The following PBX3 variants were observed in gnomAD, a reference collection of about 807,000 sequenced individuals.
The protein encoded by PBX3 is PBX homeobox 3, also known as pre-B-cell leukemia transcription factor 3.
Under a neutral mutation model 48.5 loss-of-function variants are expected in PBX3, and 14 were observed. That is an observed-to-expected ratio of 0.29 (90% confidence interval 0.19 to 0.45). PBX3 has a LOEUF of 0.45. PBX3 is among the 20% of genes least tolerant of loss of function. The probability of loss-of-function intolerance (pLI) is 1.00; values close to 1 mark genes in which losing one functional copy is unlikely to be tolerated. For synonymous variants in PBX3, 210 were observed against 200.3 expected (o/e 1.05, Z -0.41); for missense variants, 386 against 546.7 (o/e 0.71, Z 2.93).
In PBX3 at chr9:125,872,710, T is replaced by C. The variant is rs149918551; in HGVS notation, c.275-42976T>C. 7.5e-3 allele frequency among the ~76,000 whole-genome samples: 1,141 copies of C among 151,632 alleles called. 8 individuals are homozygous for C. The highest frequency in any genetic ancestry group is 0.014 in the Middle Eastern group (4 of 294). On this transcript the variant is annotated intron_variant, in intron 2 of 8. Transcript: ENST00000373489. ...AGGAATTTGAGGTTGCAGTGACCTA[T>C]GATCATGCCACTGCACTCCAGCCTA...
intron 6 of PBX3, among the ~76,000 whole-genome samples, chr9:125,961,690 A>C (rs940311627): frequency 9.8e-5 from 15 of 152,320 alleles, no homozygotes; most frequent in African/African-American, 3.1e-4. Flanking sequence ...TAGCGAAGAA[A>C]GAGCTCCTGG....
At chr9:125,781,820 G>A (rs1837327059) in intron 2 of PBX3, among the ~76,000 whole-genome samples, 1 of 150,640 alleles carries the variant, frequency 6.6e-6, no homozygotes, top group African/African-American at 2.4e-5. Flanking sequence ...TTTTCTTAAC[G>A]TAGGCATTTA....
chr9:125,905,790 TG>T (rs1268752817), intron 2 of PBX3, among the ~76,000 whole-genome samples: 1 of 152,054 alleles, frequency 6.6e-6, no homozygotes, highest in African/African-American at 2.4e-5. Context: ...TATGCTGTTT[TG>T]ATTATATTTC....
At chr9:125,873,724 C>G (rs765825909) in intron 2 of PBX3, among the ~76,000 whole-genome samples, 18 of 151,974 alleles carry the variant, frequency 1.2e-4, no homozygotes, top group Admixed American at 2.0e-4. Context: ...CAAATGTTTA[C>G]ATTATAAAGA....
At position 125,967,025 on chromosome 9, in the gene PBX3, G is replaced by A. The variant is rs780675660; in HGVS notation, c.*1102G>A. Reference sequence around the variant, plus strand: ...TTGGGTCTTAATTCAACACAGGATCGGTAAAACTGTTGTAAATACTGAGAA... The same window carrying A: ...TTGGGTCTTAATTCAACACAGGATCAGTAAAACTGTTGTAAATACTGAGAA... On this transcript the variant is annotated 3_prime_UTR_variant, in exon 9 of 9. Coordinates refer to ENST00000373489, the MANE Select transcript of PBX3 (RefSeq NM_006195.6). The A allele has an allele frequency of 2.0e-5, 3 of 152,006 alleles. No individual in the cohort carries two copies. Among genetic ancestry groups the A allele is most frequent in the African/African-American group, 7.3e-5 (3 of 41,204 alleles). 9.4% of individuals were successfully genotyped at this position (152,006 alleles called of 1,614,324 possible).
Position 125,963,670 on chromosome 9 carries a change from C to T in PBX3, c.1212+569C>T, listed in dbSNP as rs185311549. Among the ~76,000 whole-genome samples the T allele has an allele frequency of 6.6e-5, 10 of 152,144 alleles. No homozygotes were observed. In the East Asian group the frequency reaches 1.9e-3, roughly 29 times the overall value. On this transcript the variant is annotated intron_variant, in intron 8 of 8. Coordinates refer to ENST00000373489, the MANE Select transcript of PBX3 (RefSeq NM_006195.6). ...GGATGGAAAATGGCAAAACACACAGCTCTGGAAAAGGGGGAAGGGGGCAGG... is the reference window on the plus strand; with the variant it reads ...GGATGGAAAATGGCAAAACACACAGTTCTGGAAAAGGGGGAAGGGGGCAGG...
chr9:125,798,580 T>C (rs1026563347), intron 2 of PBX3, among the ~76,000 whole-genome samples: 1 of 152,148 alleles, frequency 6.6e-6, no homozygotes, highest in Non-Finnish European at 1.5e-5. Flanking sequence ...ATAAAGGCAT[T>C]TATTTGAGTT....
intron 3 of PBX3, among the ~76,000 whole-genome samples, chr9:125,921,800 T>C (rs1841463592): frequency 6.6e-6 from 1 of 152,190 alleles, no homozygotes; most frequent in South Asian, 2.1e-4. Flanking sequence ...GCGAGACATT[T>C]GGAAAATAGT....
At chr9:125,791,862 G>T (rs999238205) in intron 2 of PBX3, among the ~76,000 whole-genome samples, 1 of 151,860 alleles carries the variant, frequency 6.6e-6, no homozygotes, top group Admixed American at 6.6e-5. Flanking sequence ...CGTGAACCCG[G>T]GAGGCAGAGG....
chr9:125,932,242 G>A (rs375894862), intron 4 of PBX3, among the ~76,000 whole-genome samples: 55 of 152,236 alleles, frequency 3.6e-4, no homozygotes, highest in Admixed American at 9.2e-4. Context: ...CTTGCTCATC[G>A]TTCCGGATCT....
At chr9:125,817,142 CT>C (rs1838490183) in intron 2 of PBX3, among the ~76,000 whole-genome samples, 1 of 152,192 alleles carries the variant, frequency 6.6e-6, no homozygotes, top group African/African-American at 2.4e-5. Flanking sequence ...AAGAATTGGT[CT>C]GTGTTAGCAC....
chr9:125,875,730 C>T (rs992366689), intron 2 of PBX3, among the ~76,000 whole-genome samples: 5 of 152,002 alleles, frequency 3.3e-5, no homozygotes, highest in African/African-American at 9.7e-5. Flanking sequence ...TTTAATTATT[C>T]CCCCCCACCT....
In PBX3 at chr9:125,805,178, A is replaced by T. The variant is rs578064182; in HGVS notation, c.274+56555A>T. Among the ~76,000 whole-genome samples, 3 of 152,242 alleles carry T rather than the reference A, an allele frequency of 2.0e-5. No homozygotes were observed. In the South Asian group the frequency reaches 6.2e-4, roughly 32 times the overall value. ...ATGAGAAGGAGCAGGCTTAAAAAAAAAAACTGGGAGAAGAGCATTCCAGGA... is the reference window on the plus strand; with the variant it reads ...ATGAGAAGGAGCAGGCTTAAAAAAATAAACTGGGAGAAGAGCATTCCAGGA... On this transcript the variant is annotated intron_variant, in intron 2 of 8. Transcript: ENST00000373489.
chr9:125,929,517 G>A (rs947244477), intron 3 of PBX3, 138 bp from the exon 4 acceptor site: 1 of 563,662 alleles, frequency 1.8e-6, no homozygotes, highest in African/African-American at 1.9e-5. Flanking sequence ...CATTTTACAA[G>A]TGTCTTAGTT....
intron 2 of PBX3, among the ~76,000 whole-genome samples, chr9:125,815,454 C>T (rs1269029319): frequency 2.0e-5 from 3 of 152,100 alleles, no homozygotes; most frequent in African/African-American, 7.2e-5. Context: ...TTCTCTTCCT[C>T]TCTGGTTTTG....
At chr9:125,887,784 TAGAA>T (rs1430333996) in intron 2 of PBX3, among the ~76,000 whole-genome samples, 1 of 152,146 alleles carries the variant, frequency 6.6e-6, no homozygotes, top group African/African-American at 2.4e-5. Context: ...TAGTTGTTAT[TAGAA>T]AGTAAGGGTA....
At chr9:125,936,398 T>C (rs1052042069) in intron 5 of PBX3, among the ~76,000 whole-genome samples, 2 of 152,236 alleles carry the variant, frequency 1.3e-5, no homozygotes, top group East Asian at 1.9e-4. Context: ...AGCATTTCTT[T>C]ATAGCATGCA....
chr9:125,805,305 A>C (rs1564664654), intron 2 of PBX3, among the ~76,000 whole-genome samples: 1 of 152,062 alleles, frequency 6.6e-6, no homozygotes, highest in South Asian at 2.1e-4. Flanking sequence ...TGTGAGGGGA[A>C]GAATAGTATG....
Position 125,960,819 on chromosome 9 carries a change from C to G in PBX3, c.979C>G (p.Gln327Glu), listed in dbSNP as rs751799223. The change falls in exon 6 of 9, where the codon CAG (glutamine) becomes GAG (glutamate). Residue 327 changes from glutamine (Q) to glutamate (E), a missense_variant. This residue lies in a region of PBX3 where 127 missense variants were observed against 143.3 expected (regional missense o/e 0.89). Coordinates refer to ENST00000373489, the MANE Select transcript of PBX3 (RefSeq NM_006195.6). ...AGTAGCAGCAGCTGTGCAGAACAAC[C>G]AGACCAATTCGCCCACCACACCAAA... ...HAVAAAVQNN[Q>E]TNSPTTPNSG... 2.5e-6 allele frequency: 4 copies of G among 1,614,110 alleles called. No homozygotes were observed. Among genetic ancestry groups the G allele is most frequent in the Non-Finnish European group, 2.5e-6 (3 of 1,179,970 alleles).
Sources: gnomAD v4.1 joint callset for allele counts (sites outside exome capture counted in the v4.1 genomes callset) on GRCh38, gnomAD v4.1.1 for gene constraint, gnomAD v4.1.1 regional missense constraint, MANE v1.5 for transcripts, NCBI Gene and HGNC (gene_info 2026-07-23, HGNC 2026-07-21) for gene names.